The following PXDN variants were observed in gnomAD, a reference collection of about 807,000 sequenced individuals.
PXDN encodes the protein peroxidasin homolog.
Under a neutral mutation model 140.3 loss-of-function variants are expected in PXDN, and 77 were observed. The observed-to-expected ratio is 0.55, with a 90% CI of 0.46 to 0.66. The LOEUF (loss-of-function observed/expected upper bound fraction) is 0.66. PXDN is among the 30% of genes least tolerant of loss of function. The pLI is 0.00. For missense variants in PXDN, 1,838 were observed against 2,039.5 expected (o/e 0.90, Z 1.90); for synonymous variants, 911 against 857.4 (o/e 1.06, Z -1.09).
intron 3 of PXDN, among the ~76,000 whole-genome samples, chr2:1,690,332 G>C (rs1447401656): frequency 6.6e-6 from 1 of 152,152 alleles, no homozygotes; most frequent in Non-Finnish European, 1.5e-5. Context: ...TACCGAGGGA[G>C]AGAGGGAAGA....
intron 1 of PXDN, among the ~76,000 whole-genome samples, chr2:1,701,685 G>A (rs1684437115): frequency 6.6e-6 from 1 of 152,152 alleles, no homozygotes; most frequent in African/African-American, 2.4e-5. Flanking sequence ...ATGGCTCCCT[G>A]AGCCCCCACG....
rs142906823 is a variant in PXDN at position 1,738,153 on chromosome 2, C to T, written c.200+6103G>A. ...GTTGGTCTTCTCTTAAATTGAATTC[C>T]CTCAAAAAAGGTACTTTTAAATAAA... On this transcript the variant is annotated intron_variant, in intron 1 of 22. Coordinates refer to ENST00000252804, the MANE Select transcript of PXDN (RefSeq NM_012293.3). 9.2e-5 allele frequency among the ~76,000 whole-genome samples: 14 copies of T among 151,918 alleles called. No homozygotes were observed. In the East Asian group the frequency reaches 2.7e-3, roughly 29 times the overall value.
At chr2:1,643,625 C>T (rs1407195927) in intron 18 of PXDN, 49 bp from the exon 19 acceptor site, 2 of 1,595,646 alleles carry the variant, frequency 1.3e-6, no homozygotes, top group African/African-American at 1.3e-5. Context: ...AGGAGACTCA[C>T]AGGTCACTAG....
At chr2:1,738,242 T>A (rs1360744719) in intron 1 of PXDN, among the ~76,000 whole-genome samples, 1 of 152,222 alleles carries the variant, frequency 6.6e-6, no homozygotes, top group Non-Finnish European at 1.5e-5. Context: ...TTAGTAAACC[T>A]GGGCGTTGGG....
chr2:1,702,995 GAC>G (rs1558515931), intron 1 of PXDN, among the ~76,000 whole-genome samples: 7 of 72,238 alleles, frequency 9.7e-5, no homozygotes, highest in South Asian at 4.9e-4. Context: ...TGAAGGGGGG[GAC>G]AACTCCAGGT....
intron 22 of PXDN, among the ~76,000 whole-genome samples, chr2:1,635,009 G>A (rs1400023123): frequency 6.6e-6 from 1 of 152,210 alleles, no homozygotes; most frequent in East Asian, 1.9e-4. Context: ...ATGGGACAGG[G>A]CCAGTGGTGG....
At chr2:1,664,559 A>G (rs17841814) in intron 11 of PXDN, 2,059 of 172,170 alleles carry the variant, frequency 0.012, 57 homozygotes, top group African/African-American at 0.046. Context: ...AGCAAAAGCT[A>G]TTCGTCTGTT....
At chr2:1,673,925 C>G in intron 8 of PXDN, 113 bp from the exon 9 acceptor site, 1 of 1,156,254 alleles carries the variant, frequency 8.6e-7, no homozygotes, top group South Asian at 1.4e-5. Flanking sequence ...GTGCGAGGAA[C>G]AGCTCACCTT....
chr2:1,653,472 C>T lies in PXDN; in HGVS notation c.2104+156G>A, dbSNP rs1683059832. On this transcript the variant is annotated intron_variant, in intron 16 of 22. Coordinates refer to ENST00000252804, the MANE Select transcript of PXDN (RefSeq NM_012293.3). ...GTGAGAGCGACAGGGCTGTAGGGCTCAAGAGGAATCACAGTTTAAGGAAAT... is the reference window on the plus strand; with the variant it reads ...GTGAGAGCGACAGGGCTGTAGGGCTTAAGAGGAATCACAGTTTAAGGAAAT... The T allele has an allele frequency of 3.5e-6, 4 of 1,148,170 alleles. No homozygotes were observed. The South Asian group carries it at 5.3e-5, about 15-fold the overall frequency. The allele number at this position is 1,148,170 out of a possible 1,614,324, so 71.1% of individuals were successfully genotyped here. A position where few individuals can be genotyped will look rare whatever the true frequency, so the allele number is the denominator to read the frequency against.
At position 1,666,343 on chromosome 2, in the gene PXDN, G is replaced by C. The variant is rs745350263; in HGVS notation, c.1162C>G (p.Arg388Gly). Residue 388 changes from arginine to glycine, a missense_variant, in exon 10 of 23, where the codon CGG becomes GGG. Around this residue, in one of 5 missense-constraint regions of PXDN, gnomAD observed 208 missense variants for 325.8 expected, o/e 0.64. Coordinates refer to ENST00000252804, the MANE Select transcript of PXDN (RefSeq NM_012293.3). ...GDRTPLPVDP[R>G]VNITPSGGLY... ...CCGCCAGAAGGCGTGATGTTCACCC[G>C]CGGGTCAACTGGCAAGGGTGTGCGG... 6.2e-7 allele frequency: 1 copy of C among 1,614,018 alleles called. No individual in the cohort carries two copies. The highest frequency in any genetic ancestry group is 1.1e-5 in the South Asian group (1 of 91,076).
At chr2:1,680,956 G>A (rs1304719399) in intron 6 of PXDN, among the ~76,000 whole-genome samples, 1 of 152,234 alleles carries the variant, frequency 6.6e-6, no homozygotes, top group African/African-American at 2.4e-5. Flanking sequence ...TCCCAACAAG[G>A]GGAACACGGG....
intron 6 of PXDN, among the ~76,000 whole-genome samples, chr2:1,681,140 G>A (rs371302961): frequency 6.6e-6 from 1 of 152,116 alleles, no homozygotes; most frequent in South Asian, 2.1e-4. Flanking sequence ...CCCTCCAGCC[G>A]GCCTGTGCAC....
chr2:1,678,290 TCCCAACGTTCCGTAAA>T lies in PXDN; in HGVS notation c.731-1262_731-1247del, dbSNP rs1683780413. ...AGCTCCTTCTAGAATATAAACATCA[TCCCAACGTTCCGTAAA>T]CCCTCCCATGGCTCCCCATCACCAC... On this transcript the variant is annotated intron_variant, in intron 7 of 22. Coordinates refer to ENST00000252804, the MANE Select transcript of PXDN (RefSeq NM_012293.3). Among the ~76,000 whole-genome samples the T allele has an allele frequency of 2.6e-5, 4 of 152,124 alleles. No homozygotes were observed. In the South Asian group the frequency reaches 8.3e-4, roughly 32 times the overall value.
intron 1 of PXDN, among the ~76,000 whole-genome samples, chr2:1,708,457 G>A (rs1270916375): frequency 6.6e-6 from 1 of 152,126 alleles, no homozygotes; most frequent in Admixed American, 6.5e-5. Context: ...TCCGCCCTTC[G>A]CAGGAAGCCT....
chr2:1,727,060 A>G (rs1246602497), intron 1 of PXDN, among the ~76,000 whole-genome samples: 1 of 152,232 alleles, frequency 6.6e-6, no homozygotes, highest in African/African-American at 2.4e-5. Context: ...TCGGTTAGAC[A>G]AAATTGCCAT....
At chr2:1,655,002 C>G (rs1012377811) in intron 14 of PXDN, among the ~76,000 whole-genome samples, 1 of 152,028 alleles carries the variant, frequency 6.6e-6, no homozygotes, top group African/African-American at 2.4e-5. Flanking sequence ...TGTATCATTA[C>G]ACAGGGAAAC....
chr2:1,666,621 T>C (rs1256030133), intron 9 of PXDN, 135 bp from the exon 10 acceptor site: 1 of 1,192,914 alleles, frequency 8.4e-7, no homozygotes, highest in Non-Finnish European at 1.1e-6. Context: ...AACTGCATAT[T>C]TTCTTTTTAA....
At position 1,680,347 on chromosome 2, in the gene PXDN, G is replaced by A. The variant is rs775715760; in HGVS notation, c.576C>T (p.Asn192=). 1.2e-6 allele frequency: 2 copies of A among 1,614,002 alleles called. No individual in the cohort carries two copies. Among genetic ancestry groups the A allele is most frequent in the Non-Finnish European group, 1.7e-6 (2 of 1,179,876 alleles). ...GGATTTCACAGTCGCAGTGAAGTGT[G>A]TTTGAGTCCAGTCGCCTGTGGGAAG... ...ESMKRLRLDS[N]TLHCDCEILW... is the part of the protein sequence containing the mutation. The change falls in exon 7 of 23, where the codon AAC becomes AAT. Residue 192 remains asparagine, a synonymous_variant. Coordinates refer to ENST00000252804, the MANE Select transcript of PXDN (RefSeq NM_012293.3).
chr2:1,649,483 A>C lies in PXDN; in HGVS notation c.2297T>G (p.Leu766Arg). 6.2e-7 allele frequency: 1 copy of C among 1,613,980 alleles called. No individual in the cohort carries two copies. The change falls in exon 17 of 23, where the codon CTG (leucine) becomes CGG (arginine). Residue 766 changes from leucine to arginine, a missense_variant. Leu to Arg is a moderately radical substitution (Grantham distance 102, BLOSUM62 -2). Around this residue, in one of 5 missense-constraint regions of PXDN, gnomAD observed 537 missense variants for 583.9 expected, o/e 0.92. Transcript: ENST00000252804. This position sits in a 1 kb window ranked among gnomAD's most constrained non-coding sequence, Gnocchi z 7.1. ...WGASLTAFER[L>R]LKSVYENGFN... ...GCCATTCTCGTACACGGATTTCAGC[A>C]GGCGCTCGAAGGCGGTCAGCGAGGC...
Sources: gnomAD v4.1 joint callset for allele counts (sites outside exome capture counted in the v4.1 genomes callset) on GRCh38, gnomAD v4.1.1 for gene constraint, gnomAD v4.1.1 regional missense constraint, Gnocchi (gnomAD v3.1) non-coding constraint, MANE v1.5 for transcripts, NCBI Gene and HGNC (gene_info 2026-07-23, HGNC 2026-07-21) for gene names.